The following ZNF804B variants were observed in gnomAD, a reference collection of about 807,000 sequenced individuals.
ZNF804B encodes zinc finger 804B.
In ZNF804B, 80 loss-of-function variants were observed where a neutral mutation model predicts 101.4. The ratio of observed to expected loss-of-function variants is 0.79; its 90% CI spans 0.66 to 0.95. ZNF804B has a LOEUF of 0.95. Among genes scored for constraint, ZNF804B ranks in the 40% least tolerant of loss-of-function variants. The probability of loss-of-function intolerance (pLI) is 0.00; values close to 1 mark genes in which losing one functional copy is unlikely to be tolerated. For synonymous variants in ZNF804B, 622 were observed against 558.8 expected, an observed-to-expected ratio of 1.11 and a Z score of -1.59; for missense variants, 1,673 against 1,561.9, an observed-to-expected ratio of 1.07 and a Z score of -1.20.
chr7:88,908,115 T>A (rs1792498902), intron 1 of ZNF804B, among the ~76,000 whole-genome samples: 1 of 151,864 alleles, frequency 6.6e-6, no homozygotes, highest in Non-Finnish European at 1.5e-5. Context: ...ATAAAGTAAT[T>A]ACAATCTAGT....
At chr7:88,949,299 T>G (rs539976870) in intron 1 of ZNF804B, among the ~76,000 whole-genome samples, 1 of 150,936 alleles carries the variant, frequency 6.6e-6, no homozygotes, top group Non-Finnish European at 1.5e-5. Flanking sequence ...TTTAGAATGT[T>G]TAGCAGCATC....
chr7:88,881,651 A>C (rs17165020), intron 1 of ZNF804B, among the ~76,000 whole-genome samples: 3 of 152,152 alleles, frequency 2.0e-5, no homozygotes, highest in Non-Finnish European at 2.9e-5. Flanking sequence ...GGGGAATCCA[A>C]TTGTAGGGTG....
intron 1 of ZNF804B, among the ~76,000 whole-genome samples, chr7:88,885,143 T>C (rs188382789): frequency 8.6e-5 from 13 of 152,022 alleles, no homozygotes; most frequent in Non-Finnish European, 1.8e-4. Flanking sequence ...TATTTTTGGG[T>C]AAAATTCAGT....
intron 2 of ZNF804B, among the ~76,000 whole-genome samples, chr7:89,249,029 T>TA (rs58553222): frequency 0.021 from 2,519 of 119,200 alleles, 22 homozygotes; most frequent in African/African-American, 0.03. Context: ...CCAATAACAG[T>TA]AAAAAAAAAA....
chr7:88,780,241 A>T (rs920853477), intron 1 of ZNF804B, among the ~76,000 whole-genome samples: 1 of 152,186 alleles, frequency 6.6e-6, no homozygotes, highest in Non-Finnish European at 1.5e-5. Flanking sequence ...AAATTAGTAC[A>T]TTCACTAAAA....
At chr7:89,273,773 A>C (rs979473657) in intron 2 of ZNF804B, among the ~76,000 whole-genome samples, 1 of 152,132 alleles carries the variant, frequency 6.6e-6, no homozygotes, top group African/African-American at 2.4e-5. Context: ...TTTGCTCCCA[A>C]ACTTCAATTT....
chr7:89,304,238 A>C (rs1037004568), intron 2 of ZNF804B, among the ~76,000 whole-genome samples: 1 of 151,888 alleles, frequency 6.6e-6, no homozygotes, highest in African/African-American at 2.4e-5. Flanking sequence ...TTTAATAAGC[A>C]ACAATTGACA....
chr7:88,764,818 TG>T (rs1186199330), intron 1 of ZNF804B, among the ~76,000 whole-genome samples: 1 of 152,208 alleles, frequency 6.6e-6, no homozygotes, highest in African/African-American at 2.4e-5. Flanking sequence ...CATGCCCTCC[TG>T]TAGAGAAGTC....
chr7:89,100,660 A>G (rs549074335), intron 1 of ZNF804B, among the ~76,000 whole-genome samples: 11 of 152,234 alleles, frequency 7.2e-5, no homozygotes, highest in Non-Finnish European at 1.3e-4. Context: ...AAAGACCTAA[A>G]TAGACATTTT....
intron 1 of ZNF804B, among the ~76,000 whole-genome samples, chr7:88,877,812 C>T (rs1483963278): frequency 6.6e-6 from 1 of 151,990 alleles, no homozygotes; most frequent in Non-Finnish European, 1.5e-5. Context: ...TCACTCAGAA[C>T]CAGAGCCAAT....
Position 89,207,531 on chromosome 7 carries a change from C to A in ZNF804B, c.109-10624C>A, listed in dbSNP as rs138365872. Among the ~76,000 whole-genome samples, 978 of 152,266 alleles carry A rather than the reference C, an allele frequency of 6.4e-3. 9 individuals are homozygous for A. Among genetic ancestry groups the A allele is most frequent in the African/African-American group, 0.023 (948 of 41,552 alleles). On this transcript the variant is annotated intron_variant, in intron 1 of 3. Coordinates refer to ENST00000333190, the MANE Select transcript of ZNF804B (RefSeq NM_181646.5). ...ATGATACATGGGGATTATTACAATT[C>A]AAGGTGAGATTTGGGTGGGGACATA... is the stretch of plus-strand genomic sequence containing the variant.
At chr7:88,850,473 G>A (rs901665479) in intron 1 of ZNF804B, among the ~76,000 whole-genome samples, 6 of 152,034 alleles carry the variant, frequency 3.9e-5, no homozygotes, top group African/African-American at 9.7e-5. Flanking sequence ...TGAGACTCGT[G>A]GAAAAAACAC....
At chr7:89,143,894 T>C (rs1342488659) in intron 1 of ZNF804B, among the ~76,000 whole-genome samples, 1 of 152,022 alleles carries the variant, frequency 6.6e-6, no homozygotes, top group African/African-American at 2.4e-5. Context: ...TCTCTTCCCA[T>C]TATTCTAACA....
In ZNF804B at chr7:89,156,019, C is replaced by CCTTTCTTTCTTTCTTT. The variant is rs58720640; in HGVS notation, c.109-62097_109-62082dup. 2.3e-3 allele frequency among the ~76,000 whole-genome samples: 279 copies of CCTTTCTTTCTTTCTTT among 121,920 alleles called. 2 individuals are homozygous for CCTTTCTTTCTTTCTTT. Among genetic ancestry groups the CCTTTCTTTCTTTCTTT allele is most frequent in the East Asian group, 6.8e-3 (28 of 4,102 alleles). The allele number at this position is 121,920 out of a possible 152,430, so 80.0% of individuals were successfully genotyped here. ...TCTTTCTTTCTTTCTTTCTCTCTTT[C>CCTTTCTTTCTTTCTTT]CTTTCTTTCTTTCTTTCTTTCTTTC... On this transcript the variant is annotated intron_variant, in intron 1 of 3. Coordinates refer to ENST00000333190, the MANE Select transcript of ZNF804B (RefSeq NM_181646.5).
At position 89,290,205 on chromosome 7, in the gene ZNF804B, G is replaced by A. The variant is rs138607225; in HGVS notation, c.250-37139G>A. Among the ~76,000 whole-genome samples, 39 of 152,228 alleles carry A rather than the reference G, an allele frequency of 2.6e-4. No individual in the cohort carries two copies. The East Asian group carries it at 7.2e-3, about 28-fold the overall frequency. On this transcript the variant is annotated intron_variant, in intron 2 of 3. Coordinates refer to ENST00000333190, the MANE Select transcript of ZNF804B (RefSeq NM_181646.5). The stretch of plus-strand genomic sequence containing the variant: ...AGAGCACATGGGCACGGAATAACAG[G>A]CAGCAATACCCAGTTAGTATCAAAA...
intron 1 of ZNF804B, among the ~76,000 whole-genome samples, chr7:89,032,020 T>C (rs1273035226): frequency 6.6e-6 from 1 of 152,148 alleles, no homozygotes; most frequent in Non-Finnish European, 1.5e-5. Context: ...AAATACTGTG[T>C]GATCTCATTT....
At chr7:88,902,350 C>A (rs897175200) in intron 1 of ZNF804B, among the ~76,000 whole-genome samples, 1 of 151,974 alleles carries the variant, frequency 6.6e-6, no homozygotes, top group South Asian at 2.1e-4. Flanking sequence ...CAAATTAATA[C>A]CCTAGAGCTA....
intron 1 of ZNF804B, among the ~76,000 whole-genome samples, chr7:88,869,394 C>G (rs1791782445): frequency 6.6e-6 from 1 of 152,110 alleles, no homozygotes; most frequent in African/African-American, 2.4e-5. Flanking sequence ...GGTGTTTTCT[C>G]TGGGCAAAAT....
chr7:89,094,318 A>G (rs1378337636), intron 1 of ZNF804B, among the ~76,000 whole-genome samples: 1 of 152,050 alleles, frequency 6.6e-6, no homozygotes, highest in Non-Finnish European at 1.5e-5. Context: ...TGTTTATTTA[A>G]CCTCTGTATG....
Sources: gnomAD v4.1 joint callset for allele counts (sites outside exome capture counted in the v4.1 genomes callset) on GRCh38, gnomAD v4.1.1 for gene constraint, MANE v1.5 for transcripts, NCBI Gene and HGNC (gene_info 2026-07-23, HGNC 2026-07-21) for gene names.